IKBIP: variants seen among roughly 807,000 people sequenced by gnomAD.
The protein encoded by IKBIP is IKBKB interacting protein.
A neutral mutation model predicts 31.0 loss-of-function variants in IKBIP; 28 were observed. The observed-to-expected ratio is 0.90, with a 90% confidence interval of 0.67 to 1.24. The LOEUF is 1.24. Ranked by LOEUF, IKBIP falls within the 50% of genes most tolerant of loss-of-function variation. The pLI is 0.00. For synonymous variants in IKBIP, 164 were observed against 160.3 expected, an observed-to-expected ratio of 1.02 and a Z score of -0.17; for missense variants, 453 against 441.9, an observed-to-expected ratio of 1.03 and a Z score of -0.23.
At chr12:98,623,264 C>T (rs2097611479), downstream of IKBIP, among the ~76,000 whole-genome samples, 1 of 151,068 alleles carries the variant, frequency 6.6e-6, no homozygotes, top group Non-Finnish European at 1.5e-5. Flanking sequence ...AGGGGTGAGC[C>T]ACTGCGCCCA....
At chr12:98,624,193 G>C, downstream of IKBIP, 1 of 750,584 alleles carries the variant, frequency 1.3e-6, no homozygotes. Context: ...AAGGATATAA[G>C]ATAAGAGATC....
intron 2 of IKBIP, among the ~76,000 whole-genome samples, chr12:98,630,265 A>C (rs1201096894): frequency 1.3e-5 from 2 of 151,412 alleles, no homozygotes; most frequent in African/African-American, 4.9e-5. Context: ...CATGCCTGTA[A>C]TCCCAGCTAC....
downstream of IKBIP, among the ~76,000 whole-genome samples, chr12:98,619,352 G>T (rs2153294453): frequency 6.6e-6 from 1 of 152,028 alleles, no homozygotes; most frequent in East Asian, 1.9e-4. Flanking sequence ...AAACAATTAA[G>T]ATGTTGATGA....
rs1402386690 is a variant in IKBIP, at chr12:98,644,550, G to A, written c.152C>T (p.Ser51Leu). The A allele has an allele frequency of 2.5e-6, 4 of 1,606,446 alleles. No individual in the cohort carries two copies. The highest frequency in any genetic ancestry group is 2.5e-6 in the Non-Finnish European group (3 of 1,177,166). ...ADPRTCLSLL[S>L]LGTCLGLAWF... ...GGCCAGGCCCAGGCACGTCCCCAGC[G>A]ACAGCAGGCTCAGGCACGTTCGGGG... is the stretch of plus-strand genomic sequence containing the variant. The change falls in exon 1 of 3, where the codon TCG becomes TTG. Residue 51 changes from serine (S) to leucine (L), a missense_variant. Transcript: ENST00000299157.
chr12:98,636,271 T>A (rs909096032), intron 1 of IKBIP, among the ~76,000 whole-genome samples: 7 of 152,326 alleles, frequency 4.6e-5, no homozygotes, highest in Admixed American at 4.6e-4. Context: ...TCTGATTTAA[T>A]TGGCTTGGGA....
intron 2 of IKBIP, among the ~76,000 whole-genome samples, chr12:98,614,885 C>T (rs1424952598): frequency 6.6e-6 from 1 of 152,102 alleles, no homozygotes; most frequent in African/African-American, 2.4e-5. Context: ...CTGGAAATTA[C>T]ATTTTTTACA....
Position 98,624,744 on chromosome 12 carries a change from C to A in IKBIP, c.*1186G>T. The stretch of plus-strand genomic sequence containing the variant: ...TATTTTTAACTATCATAGTTATTAT[C>A]ATAATTAATTATCAGAGTTATGTTA... On this transcript the variant is annotated 3_prime_UTR_variant, in exon 3 of 3. Coordinates refer to ENST00000299157, the MANE Select transcript of IKBIP (RefSeq NM_153687.4). 2.2e-6 allele frequency: 2 copies of A among 890,598 alleles called. No homozygotes were observed. Among genetic ancestry groups the A allele is most frequent in the Non-Finnish European group, 2.7e-6 (2 of 743,750 alleles). 55.2% of individuals were successfully genotyped at this position (890,598 alleles called of 1,614,324 possible).
intron 1 of IKBIP, among the ~76,000 whole-genome samples, chr12:98,638,812 G>A (rs970876607): frequency 2.6e-5 from 4 of 151,742 alleles, no homozygotes; most frequent in Admixed American, 6.6e-5. Flanking sequence ...CGTTTTTTGA[G>A]GCAGCTGAAG....
chr12:98,626,463 G>T lies in IKBIP; in HGVS notation c.601C>A (p.Arg201=). 3 of 1,613,142 alleles carry T rather than the reference G, an allele frequency of 1.9e-6. No homozygotes were observed. The highest frequency in any genetic ancestry group is 1.7e-6 in the Non-Finnish European group (2 of 1,179,998). Residue 201 remains arginine, a synonymous_variant, in exon 3 of 3, where the codon CGG becomes AGG. Transcript: ENST00000299157. ...GTGCTATCTTCCAAATCTTTTAGCC[G>T]TTCAGTGAGCAATTTTATTTCCTGC... The part of the protein sequence containing the change: ...AEQEIKLLTE[R]LKDLEDSTLR...
intron 1 of IKBIP, 80 bp downstream of exon 1, chr12:98,644,443 G>T: frequency 7.2e-7 from 1 of 1,396,274 alleles, no homozygotes; most frequent in Non-Finnish European, 9.6e-7. Context: ...ATCACCTCCG[G>T]CTGGATGTTG....
intron 1 of IKBIP, among the ~76,000 whole-genome samples, chr12:98,640,481 A>AC (rs201479772): frequency 1.1e-4 from 16 of 151,844 alleles, no homozygotes; most frequent in African/African-American, 3.1e-4. Flanking sequence ...ACAAAACAAA[A>AC]AAGCAATTAA....
chr12:98,614,432 A>AT lies in IKBIP; in HGVS notation c.298-93dup, dbSNP rs199643002. The AT allele has an allele frequency of 7.9e-3, 5,520 of 698,198 alleles. 27 individuals carry two copies. Among genetic ancestry groups the AT allele is most frequent in the African/African-American group, 0.037 (1,967 of 52,770 alleles). The allele number at this position is 698,198 out of a possible 1,614,324, so 43.3% of individuals were successfully genotyped here. A position where few individuals can be genotyped will look rare whatever the true frequency, so the allele number is the denominator to read the frequency against. The stretch of plus-strand genomic sequence containing the variant: ...AATTTTATATTTCTTTTTAATTTTA[A>AT]TTTTTTTTTTGAGACAGAGGCTTGT... On this transcript the variant is annotated intron_variant, in intron 2 of 2. Transcript: ENST00000342502.
downstream of IKBIP, among the ~76,000 whole-genome samples, chr12:98,620,566 C>T (rs1565837800): frequency 6.6e-6 from 1 of 151,898 alleles, no homozygotes; most frequent in Non-Finnish European, 1.5e-5. Context: ...CAGGTTTCAC[C>T]ATGTTGGCCA....
At chr12:98,643,707 A>C (rs2097633551) in intron 1 of IKBIP, among the ~76,000 whole-genome samples, 1 of 152,236 alleles carries the variant, frequency 6.6e-6, no homozygotes, top group Admixed American at 6.5e-5. Flanking sequence ...TAACTTACTT[A>C]ATAAAAGACC....
chr12:98,642,843 C>T (rs1007795554), intron 1 of IKBIP, among the ~76,000 whole-genome samples: 12 of 151,996 alleles, frequency 7.9e-5, no homozygotes, highest in Admixed American at 6.6e-4. Context: ...AGGTGATCCA[C>T]CCACCTTGGC....
chr12:98,636,033 A>G (rs1409256172), intron 1 of IKBIP, among the ~76,000 whole-genome samples: 1 of 152,236 alleles, frequency 6.6e-6, no homozygotes, highest in African/African-American at 2.4e-5. Flanking sequence ...GAGCAAGCAT[A>G]AAAGAATTGT....
In IKBIP at chr12:98,641,812, A is replaced by C. The variant is rs114997357; in HGVS notation, c.179+2711T>G. ...CTGGGACTACAGCGAATGCCACCAC[A>C]CTTGGCTAATATTTAAAAATTTTTC... On this transcript the variant is annotated intron_variant, in intron 1 of 2. Transcript: ENST00000299157. 2.8e-3 allele frequency among the ~76,000 whole-genome samples: 429 copies of C among 151,928 alleles called. 1 individual carries two copies. Among genetic ancestry groups the C allele is most frequent in the African/African-American group, 9.6e-3 (396 of 41,380 alleles).
At position 98,624,691 on chromosome 12, in the gene IKBIP, T is replaced by C; in HGVS notation, c.*1239A>G. 1 of 883,184 alleles carries C rather than the reference T, an allele frequency of 1.1e-6. No homozygotes were observed. The highest frequency in any genetic ancestry group is 1.4e-6 in the Non-Finnish European group (1 of 736,840). The allele number at this position is 883,184 out of a possible 1,614,324, so 54.7% of individuals were successfully genotyped here. On this transcript the variant is annotated 3_prime_UTR_variant, in exon 3 of 3. Transcript: ENST00000299157. ...TCAATTCATAAAACAAATTTAGTGGTGTGGTTTGGGAAATCTTTAAAATGA... is the reference window on the plus strand; with the variant it reads ...TCAATTCATAAAACAAATTTAGTGGCGTGGTTTGGGAAATCTTTAAAATGA...
intron 2 of IKBIP, among the ~76,000 whole-genome samples, chr12:98,618,592 C>G (rs1020391864): frequency 2.6e-5 from 4 of 151,060 alleles, no homozygotes; most frequent in East Asian, 2.0e-4. Flanking sequence ...TGCCACTGCA[C>G]TCCAGCCTGG....
Sources: allele counts gnomAD v4.1 joint callset (sites outside exome capture counted in the v4.1 genomes callset), GRCh38; gene constraint gnomAD v4.1.1; transcripts MANE v1.5; gene names NCBI Gene and HGNC (gene_info 2026-07-23, HGNC 2026-07-21).